The following ABCA4 variants were observed in gnomAD, a reference collection of about 807,000 sequenced individuals.
ABCA4 encodes ATP binding cassette subfamily A member 4.
ABCA4 carries 196 observed loss-of-function variants against 263.7 expected under a neutral mutation model. That is an observed-to-expected ratio of 0.74 (90% CI 0.66 to 0.84). The LOEUF is 0.84. ABCA4 is among the 40% of genes least tolerant of loss of function. The pLI, the probability that ABCA4 is intolerant of heterozygous loss-of-function variation, is 0.00. For synonymous variants in ABCA4, 1,133 were observed against 1,094.2 expected, an observed-to-expected ratio of 1.04 and a Z score of -0.70; for missense variants, 2,792 against 2,855.1, an observed-to-expected ratio of 0.98 and a Z score of 0.50.
chr1:93,997,417 C>G (rs1659036494), intron 48 of ABCA4, among the ~76,000 whole-genome samples: 1 of 150,600 alleles, frequency 6.6e-6, no homozygotes, highest in Admixed American at 6.6e-5. Flanking sequence ...ACCACCACGC[C>G]TGGCTAATTT....
chr1:94,072,282 C>T (rs1419797919), intron 11 of ABCA4, among the ~76,000 whole-genome samples: 3 of 152,184 alleles, frequency 2.0e-5, no homozygotes, highest in African/African-American at 7.2e-5. Flanking sequence ...TTTTTCACAG[C>T]TTAGAGAAAT....
At position 94,063,134 on chromosome 1, in the gene ABCA4, T is replaced by C. The variant is rs1402650470; in HGVS notation, c.1738A>G (p.Lys580Glu). 6.2e-7 allele frequency: 1 copy of C among 1,614,026 alleles called. No individual in the cohort carries two copies. The change falls in exon 12 of 50, where the codon AAA becomes GAA. Residue 580 changes from lysine (K) to glutamate (E), a missense_variant. Coordinates refer to ENST00000370225, the MANE Select transcript of ABCA4 (RefSeq NM_000350.3). ...KIRMDIDVVE[K>E]TNKIKDRYWD... ...CACCTGTCTTTAATCTTATTGGTTT[T>C]CTCCACCACGTCTATGTCCATTCGG... is the stretch of plus-strand genomic sequence containing the variant.
At position 93,997,935 on chromosome 1, in the gene ABCA4, A is replaced by G; in HGVS notation, c.6655T>C (p.Phe2219Leu). The change falls in exon 48 of 50, where the codon TTC (phenylalanine) becomes CTC (leucine). Residue 2219 changes from phenylalanine (F) to leucine (L), a missense_variant. Phe to Leu is a conservative substitution (Grantham distance 22). Coordinates refer to ENST00000370225, the MANE Select transcript of ABCA4 (RefSeq NM_000350.3). Reference sequence around the variant, plus strand: ...TCCTTGTGGGAGAGGAGGAGCTGGAAGATCCTCGCCAGGGAGGAGGAGGAG... The same window carrying G: ...TCCTTGTGGGAGAGGAGGAGCTGGAGGATCCTCGCCAGGGAGGAGGAGGAG... ...QVSSSSLARI[F>L]QLLLSHKDSL... is the part of the protein sequence containing the mutation. 2.5e-6 allele frequency: 4 copies of G among 1,614,106 alleles called. No homozygotes were observed. Among genetic ancestry groups the G allele is most frequent in the East Asian group, 2.2e-5 (1 of 44,852 alleles).
intron 38 of ABCA4, among the ~76,000 whole-genome samples, chr1:94,013,428 G>C (rs1246509957): frequency 1.3e-5 from 2 of 152,200 alleles, no homozygotes; most frequent in African/African-American, 4.8e-5. Context: ...AGAGGCAGGT[G>C]GAGGTGGGTG....
intron 6 of ABCA4, among the ~76,000 whole-genome samples, chr1:94,087,555 T>A (rs1234105716): frequency 2.0e-5 from 3 of 152,178 alleles, no homozygotes. Context: ...GCAACATGGA[T>A]GTGCTGGAGG....
rs4147874 is a variant in ABCA4 at position 94,116,259 on chromosome 1, G to GT, written c.67-3194dup. ...CCTCTTCTCATCCTTGAATTAGGCT[G>GT]TTTTTTTTTGCCTATAGTCCCCGCC... is the stretch of plus-strand genomic sequence containing the variant. On this transcript the variant is annotated intron_variant, in intron 1 of 49. Coordinates refer to ENST00000370225, the MANE Select transcript of ABCA4 (RefSeq NM_000350.3). 6.4e-3 allele frequency among the ~76,000 whole-genome samples: 954 copies of GT among 149,972 alleles called. 13 individuals carry two copies. The highest frequency in any genetic ancestry group is 0.021 in the East Asian group (107 of 5,110).
intron 31 of ABCA4, 37 bp downstream of exon 31, chr1:94,024,917 G>C: frequency 1.3e-6 from 2 of 1,513,060 alleles, no homozygotes; most frequent in Non-Finnish European, 1.8e-6. Context: ...CTTCTACAGG[G>C]AGCCAGGATA....
rs1367504380 is a variant in ABCA4, at chr1:93,997,928, A to T, written c.6662T>A (p.Leu2221His). The T allele has an allele frequency of 6.2e-7, 1 of 1,613,978 alleles. No homozygotes were observed. The highest frequency in any genetic ancestry group is 2.2e-5 in the East Asian group (1 of 44,838). The change falls in exon 48 of 50, where the codon CTC (leucine) becomes CAC (histidine). Residue 2221 changes from leucine to histidine, a missense_variant. Leu to His is a moderately conservative substitution (Grantham distance 99, BLOSUM62 -3). Transcript: ENST00000370225. ...SSSSLARIFQ[L>H]LLSHKDSLLI... ...CAGGCTGTCCTTGTGGGAGAGGAGG[A>T]GCTGGAAGATCCTCGCCAGGGAGGA...
At chr1:94,075,388 G>A (rs1280361514) in intron 11 of ABCA4, among the ~76,000 whole-genome samples, 2 of 152,022 alleles carry the variant, frequency 1.3e-5, no homozygotes. Flanking sequence ...TGCATTCAAG[G>A]TCATTCTTAT....
At chr1:94,048,985 C>G in intron 17 of ABCA4, 28 bp from the exon 18 acceptor site, 1 of 1,610,516 alleles carries the variant, frequency 6.2e-7, no homozygotes, top group South Asian at 1.1e-5. Flanking sequence ...CAGTGTTACT[C>G]TACCACCGGG....
chr1:94,108,144 T>C (rs964255449), intron 4 of ABCA4, among the ~76,000 whole-genome samples: 5 of 152,210 alleles, frequency 3.3e-5, no homozygotes, highest in African/African-American at 7.2e-5. Context: ...GTCATGATAA[T>C]ACATGATCTC....
At chr1:94,057,898 C>G (rs1661021994) in intron 14 of ABCA4, among the ~76,000 whole-genome samples, 1 of 152,230 alleles carries the variant, frequency 6.6e-6, no homozygotes, top group South Asian at 2.1e-4. Context: ...ATCCTGTGCT[C>G]TTCCCAGGAA....
Position 94,077,873 on chromosome 1 carries a change from G to T in ABCA4, c.1371C>A (p.Asn457Lys), listed in dbSNP as rs766282109. Residue 457 changes from asparagine to lysine, a missense_variant, in exon 11 of 50, where the codon AAC (asparagine) becomes AAA (lysine). By Grantham distance (94) the Asn-to-Lys change is moderately conservative. Coordinates refer to ENST00000370225, the MANE Select transcript of ABCA4 (RefSeq NM_000350.3). ...QMNMIRDTLG[N>K]PTVKDFLNRQ... ...TATTCAAAAAGTCTTTTACTGTTGGGTTCCCCAGGGTATCCTTGGGAAGAA... is the reference window on the plus strand; with the variant it reads ...TATTCAAAAAGTCTTTTACTGTTGGTTTCCCCAGGGTATCCTTGGGAAGAA... 3.5e-5 allele frequency: 56 copies of T among 1,614,136 alleles called. 2 individuals carry two copies. In the South Asian group the frequency reaches 6.0e-4, roughly 17 times the overall value.
intron 14 of ABCA4, 113 bp downstream of exon 14, chr1:94,060,424 A>T: frequency 1.0e-6 from 1 of 989,934 alleles, no homozygotes; most frequent in Non-Finnish European, 1.6e-6. Flanking sequence ...CTGGGAAGCT[A>T]GATGTCACGC....
Position 94,007,832 on chromosome 1 carries a change from G to A in ABCA4, c.5899-92C>T, listed in dbSNP as rs1030602448. The A allele has an allele frequency of 5.7e-6, 7 of 1,227,784 alleles. No homozygotes were observed. In the African/African-American group the frequency reaches 7.4e-5, roughly 13 times the overall value. 76.1% of individuals were successfully genotyped at this position (1,227,784 alleles called of 1,614,324 possible). A position where few individuals can be genotyped will look rare whatever the true frequency, so the allele number is the denominator to read the frequency against. On this transcript the variant is annotated intron_variant, in intron 42 of 49. Coordinates refer to ENST00000370225, the MANE Select transcript of ABCA4 (RefSeq NM_000350.3). ...GTAAGTGTGTGTGTGAGCTGGGGGA[G>A]GAATTTTAGACCTGGGCTGCCATCA...
At position 94,080,595 on chromosome 1, in the gene ABCA4, C is replaced by A. The variant is rs61751418; in HGVS notation, c.982G>T (p.Glu328Ter). The A allele has an allele frequency of 6.2e-7, 1 of 1,614,138 alleles. No individual in the cohort carries two copies. The highest frequency in any genetic ancestry group is 8.5e-7 in the Non-Finnish European group (1 of 1,180,028). The change falls in exon 8 of 50, where the codon GAG (glutamate) becomes TAG (stop). Residue 328 changes from glutamate (E) to a stop codon, truncating the protein, a stop_gained. Transcript: ENST00000370225. LOFTEE classifies it high-confidence loss of function. ...GAGAGCACCCGAGAGCCACCTCCCTCGGGGTAGCCACACAGGAGGTCAGAC... is the reference window on the plus strand; with the variant it reads ...GAGAGCACCCGAGAGCCACCTCCCTAGGGGTAGCCACACAGGAGGTCAGAC... The part of the protein sequence containing the change: ...ILSDLLCGYP[E>*]GGGSRVLSFN...
chr1:94,033,586 A>G (rs1414873141), intron 26 of ABCA4, among the ~76,000 whole-genome samples: 1 of 152,180 alleles, frequency 6.6e-6, no homozygotes, highest in Non-Finnish European at 1.5e-5. Context: ...CTGAACAACT[A>G]TTGCTGGACA....
intron 20 of ABCA4, among the ~76,000 whole-genome samples, chr1:94,043,833 T>C (rs902653528): frequency 6.6e-6 from 1 of 152,220 alleles, no homozygotes; most frequent in East Asian, 1.9e-4. Context: ...TTCTTTATCA[T>C]TTTGAAGTAT....
chr1:94,027,036 G>T (rs1174658918), intron 30 of ABCA4, among the ~76,000 whole-genome samples: 1 of 152,082 alleles, frequency 6.6e-6, no homozygotes, highest in East Asian at 1.9e-4. Flanking sequence ...GTAAGAGATA[G>T]ATAGAGACAG....
Sources: gnomAD v4.1 joint callset for allele counts (sites outside exome capture counted in the v4.1 genomes callset) on GRCh38, gnomAD v4.1.1 for gene constraint, MANE v1.5 for transcripts, NCBI Gene and HGNC (gene_info 2026-07-23, HGNC 2026-07-21) for gene names.